Variants in ZNF18 observed in about 807,000 individuals in gnomAD.
ZNF18 encodes zinc finger protein 18.
Under a neutral mutation model 58.1 loss-of-function variants are expected in ZNF18, and 42 were observed. That is an observed-to-expected ratio of 0.72 (90% CI 0.56 to 0.93). ZNF18 has a LOEUF of 0.93. Among genes scored for constraint, ZNF18 ranks in the 40% least tolerant of loss-of-function variants. ZNF18 has a pLI of 0.00. For synonymous variants in ZNF18, 231 were observed against 239.8 expected (o/e 0.96, Z 0.34); for missense variants, 540 against 644.2 (o/e 0.84, Z 1.75).
At chr17:12,016,752 C>A in the ZNF18 span, among the ~76,000 whole-genome samples, 1 of 152,026 alleles carries the variant, frequency 6.6e-6, no homozygotes, top group South Asian at 2.1e-4. Context: ...TTGGTCAGAC[C>A]ATGGTATTCA....
the ZNF18 span, among the ~76,000 whole-genome samples, chr17:12,005,697 A>G: frequency 2.0e-5 from 3 of 152,206 alleles, no homozygotes; most frequent in East Asian, 1.9e-4. Context: ...ATTTGCTCAA[A>G]TAATGAGGTG....
chr17:11,978,584 C>T lies in ZNF18; in HGVS notation c.1023G>A (p.Glu341=). ...TGTTTTGCAGAGCCTCAGGGAGATT[C>T]TCTCCTTCTCCAAAGCATCCTGGCT... ...EDEPGCFGEG[E]NLPEALQNIQ... Residue 341 remains glutamate (E), a synonymous_variant, in exon 7 of 7, where the codon GAG becomes GAA. Transcript: ENST00000580306. The T allele has an allele frequency of 6.2e-7, 1 of 1,614,112 alleles. No individual in the cohort carries two copies. Among genetic ancestry groups the T allele is most frequent in the South Asian group, 1.1e-5 (1 of 91,082 alleles).
chr17:12,005,162 TTATA>T, the ZNF18 span, among the ~76,000 whole-genome samples: 1 of 148,968 alleles, frequency 6.7e-6, no homozygotes, highest in Non-Finnish European at 1.5e-5. Context: ...TATATACAGA[TTATA>T]TATACAGATA....
the ZNF18 span, chr17:12,011,425 G>A: frequency 5.7e-5 from 10 of 174,668 alleles, no homozygotes; most frequent in East Asian, 1.7e-4. Flanking sequence ...TCATTCTGTC[G>A]CCTAGGCTGG....
At chr17:11,987,796 GA>G (rs1415479802) in intron 4 of ZNF18, among the ~76,000 whole-genome samples, 10 of 152,288 alleles carry the variant, frequency 6.6e-5, no homozygotes, top group African/African-American at 2.4e-4. Flanking sequence ...AAAGCAGGCA[GA>G]AGGGTACCTT....
chr17:12,007,406 A>G, the ZNF18 span, among the ~76,000 whole-genome samples: 1,731 of 152,150 alleles, frequency 0.011, 28 homozygotes, highest in African/African-American at 0.038. Flanking sequence ...TAAACCTTCC[A>G]CCACCCAGAA....
At chr17:11,989,342 C>T (rs75590440) in intron 4 of ZNF18, among the ~76,000 whole-genome samples, 1,549 of 152,080 alleles carry the variant, frequency 0.01, 29 homozygotes, top group African/African-American at 0.036. Context: ...ACGAAAAAGA[C>T]AAAGATTACC....
the ZNF18 span, chr17:12,020,973 A>G: frequency 8.4e-7 from 1 of 1,184,914 alleles, no homozygotes; most frequent in Non-Finnish European, 1.0e-6. Context: ...CCCCGGCGCC[A>G]GGCCACCCGG....
At chr17:12,019,281 T>C in the ZNF18 span, among the ~76,000 whole-genome samples, 2 of 141,938 alleles carry the variant, frequency 1.4e-5, no homozygotes, top group South Asian at 4.7e-4. Flanking sequence ...ATATATGTTA[T>C]TTATAATATT....
Position 11,984,947 on chromosome 17 carries a change from G to C in ZNF18, c.667-750C>G, listed in dbSNP as rs569162127. On this transcript the variant is annotated intron_variant, in intron 4 of 6. Transcript: ENST00000580306. ...AAAAGCAAAGAAAGAAGTTAAAAAGGAATCTGTTGGAAAAGCAAGTGCGAA... is the reference window on the plus strand; with the variant it reads ...AAAAGCAAAGAAAGAAGTTAAAAAGCAATCTGTTGGAAAAGCAAGTGCGAA... Among the ~76,000 whole-genome samples the C allele has an allele frequency of 2.6e-5, 4 of 152,294 alleles. No individual in the cohort carries two copies. The South Asian group carries it at 8.3e-4, about 32-fold the overall frequency.
chr17:11,997,886 G>A (rs1968573695), upstream of ZNF18, among the ~76,000 whole-genome samples: 1 of 152,086 alleles, frequency 6.6e-6, no homozygotes, highest in South Asian at 2.1e-4. Context: ...TTCCGTTCTT[G>A]CCTCACTGGG....
At chr17:12,020,848 G>A in the ZNF18 span, 2 of 978,888 alleles carry the variant, frequency 2.0e-6, no homozygotes. Flanking sequence ...TTGCTGCATT[G>A]CAGCCGCCGC....
At chr17:11,986,243 T>C (rs1597962029) in intron 4 of ZNF18, among the ~76,000 whole-genome samples, 1 of 152,358 alleles carries the variant, frequency 6.6e-6, no homozygotes, top group East Asian at 1.9e-4. Context: ...CCCAGCCATA[T>C]GGAATTGTAA....
chr17:12,010,395 G>C, the ZNF18 span, among the ~76,000 whole-genome samples: 2 of 151,750 alleles, frequency 1.3e-5, no homozygotes, highest in Admixed American at 1.3e-4. Flanking sequence ...CTTTAAAACT[G>C]CTTCCAAAAC....
the ZNF18 span, among the ~76,000 whole-genome samples, chr17:12,018,192 T>G: frequency 6.6e-6 from 1 of 152,264 alleles, no homozygotes; most frequent in Non-Finnish European, 1.5e-5. Context: ...TCATATGTAT[T>G]GCTTAATTGC....
At chr17:12,014,149 G>A in the ZNF18 span, among the ~76,000 whole-genome samples, 1 of 152,234 alleles carries the variant, frequency 6.6e-6, no homozygotes, top group Admixed American at 6.5e-5. Context: ...ACAAGTGCTG[G>A]TGAAATTGTG....
chr17:11,978,136 G>A lies in ZNF18; in HGVS notation c.1471C>T (p.Pro491Ser). 1 of 1,614,096 alleles carries A rather than the reference G, an allele frequency of 6.2e-7. No individual in the cohort carries two copies. Among genetic ancestry groups the A allele is most frequent in the Non-Finnish European group, 8.5e-7 (1 of 1,180,032 alleles). Reference protein sequence around the residue: ...HHEKIHTGEKPYKCPICEKSF... With the variant: ...HHEKIHTGEKSYKCPICEKSF... The stretch of plus-strand genomic sequence containing the variant: ...TTCTCACAGATAGGACATTTATAGG[G>A]TTTCTCTCCTGTGTGGATTTTCTCG... The change falls in exon 7 of 7, where the codon CCC becomes TCC. Residue 491 changes from proline (P) to serine (S), a missense_variant. Coordinates refer to ENST00000580306, the MANE Select transcript of ZNF18 (RefSeq NM_001303281.2).
chr17:11,980,525 A>G (rs904048772), intron 6 of ZNF18, among the ~76,000 whole-genome samples: 5 of 151,968 alleles, frequency 3.3e-5, no homozygotes, highest in African/African-American at 1.2e-4. Flanking sequence ...GGTTCAAGCG[A>G]TTCTCCTGCC....
At chr17:11,984,059 T>G in intron 5 of ZNF18, 54 bp downstream of exon 5, 1 of 1,514,696 alleles carries the variant, frequency 6.6e-7, no homozygotes, top group Non-Finnish European at 9.0e-7. Flanking sequence ...GGAAAATGCC[T>G]CACAGTTTTC....
Sources: allele counts gnomAD v4.1 joint callset (sites outside exome capture counted in the v4.1 genomes callset), GRCh38; gene constraint gnomAD v4.1.1; transcripts MANE v1.5; gene names NCBI Gene and HGNC (gene_info 2026-07-23, HGNC 2026-07-21).